EDRF1: variants seen among roughly 807,000 people sequenced by gnomAD.
The protein encoded by EDRF1 is erythroid differentiation regulatory factor 1.
EDRF1 carries 69 observed loss-of-function variants against 148.7 expected under a neutral mutation model. The ratio of observed to expected loss-of-function variants is 0.46; its 90% CI spans 0.38 to 0.57. The LOEUF (loss-of-function observed/expected upper bound fraction) is 0.57. EDRF1 is among the 20% of genes least tolerant of loss of function. The pLI, the probability that EDRF1 is intolerant of heterozygous loss-of-function variation, is 0.00. For synonymous variants in EDRF1, 515 were observed against 532.8 expected (o/e 0.97, Z 0.46); for missense variants, 1,118 against 1,478.7 (o/e 0.76, Z 4.00).
intron 9 of EDRF1, among the ~76,000 whole-genome samples, chr10:125,732,297 A>G (rs1335866618): frequency 6.6e-6 from 1 of 152,176 alleles, no homozygotes; most frequent in Non-Finnish European, 1.5e-5. Context: ...AACAGGAGTC[A>G]AAGGAGATTC....
rs534100615 is a variant in EDRF1, at chr10:125,729,585, G to A, written c.1016+106G>A. The A allele has an allele frequency of 5.8e-5, 82 of 1,407,778 alleles. 1 individual carries two copies. The South Asian group carries it at 6.0e-4, about 10-fold the overall frequency. 87.2% of individuals were successfully genotyped at this position (1,407,778 alleles called of 1,614,324 possible). On this transcript the variant is annotated intron_variant, in intron 8 of 24. Coordinates refer to ENST00000356792, the MANE Select transcript of EDRF1 (RefSeq NM_001202438.2). ...TGCAGTGAGCCAAGATCATGCTACC[G>A]CACTCCAGCCTAGGCGAAAGAGCAA...
chr10:125,749,429 T>C lies in EDRF1; in HGVS notation c.3141T>C (p.Leu1047=). 6.2e-7 allele frequency: 1 copy of C among 1,614,178 alleles called. No homozygotes were observed. ...GGTTCTAGGTTGGTGATGAACACCT[T>C]AGGAAACAACACCGGGTGCTGGCAG... ...CLRNQVGDEH[L]RKQHRVLADL... Residue 1047 remains leucine (L), a synonymous_variant, in exon 22 of 25, where the codon CTT becomes CTC. Coordinates refer to ENST00000356792, the MANE Select transcript of EDRF1 (RefSeq NM_001202438.2).
Position 125,740,553 on chromosome 10 carries a change from A to G in EDRF1, c.2072A>G (p.Lys691Arg), listed in dbSNP as rs1388038383. 5 of 1,614,018 alleles carry G rather than the reference A, an allele frequency of 3.1e-6. No homozygotes were observed. Among genetic ancestry groups the G allele is most frequent in the Admixed American group, 1.7e-5 (1 of 60,004 alleles). The change falls in exon 16 of 25, where the codon AAG (lysine) becomes AGG (arginine). Residue 691 changes from lysine (K) to arginine (R), a missense_variant. This residue lies in a region of EDRF1 where 954 missense variants were observed against 1,241.4 expected (regional missense o/e 0.77). Transcript: ENST00000356792. ...QHKMKLQLILKSSKAYYVLSD... is the reference protein window; with the variant it reads ...QHKMKLQLILRSSKAYYVLSD... ...AAAATGAAACTTCAGCTGATTCTCA[A>G]GTCATCAAAGGCCTATTATGTTTTG...
Position 125,721,208 on chromosome 10 carries a change from C to G in EDRF1, c.113C>G (p.Ser38Ter). ...TTCACCCAATGTGTTAATTAGGGAT[C>G]AGCTTTATTTCTTGGAGGCAATGAA... Reference protein sequence around the residue: ...GESEESSAQGSALFLGGNEVK... With the variant: ...GESEESSAQG Residue 38 changes from serine to a stop codon, truncating the protein, a stop_gained, in exon 2 of 25, where the codon TCA (serine) becomes TGA (stop). Transcript: ENST00000356792. LOFTEE classifies it high-confidence loss of function. The G allele has an allele frequency of 6.2e-7, 1 of 1,614,022 alleles. No individual in the cohort carries two copies. The highest frequency in any genetic ancestry group is 8.5e-7 in the Non-Finnish European group (1 of 1,179,924).
At chr10:125,738,484 A>G (rs1327748510) in intron 15 of EDRF1, 39 bp downstream of exon 15, 14 of 1,612,338 alleles carry the variant, frequency 8.7e-6, no homozygotes, top group Non-Finnish European at 1.1e-5. Context: ...CTTCAATAGA[A>G]TAATACACTG....
chr10:125,755,364 A>G (rs1849854100), intron 24 of EDRF1, among the ~76,000 whole-genome samples: 1 of 152,128 alleles, frequency 6.6e-6, no homozygotes, highest in Non-Finnish European at 1.5e-5. Context: ...GTTGTGATGA[A>G]GGATTCTTTT....
intron 21 of EDRF1, chr10:125,748,382 G>A (rs986297178): frequency 3.2e-6 from 1 of 309,022 alleles, no homozygotes; most frequent in African/African-American, 2.2e-5. Context: ...GAATTTTGGG[G>A]TTATTCCAGA....
chr10:125,745,181 GGGCTGC>G, intron 18 of EDRF1: 5 of 170,708 alleles, frequency 2.9e-5, no homozygotes, highest in South Asian at 2.8e-4. Flanking sequence ...TAGTGAGCTG[GGGCTGC>G]TGTAATGAAA....
chr10:125,742,171 T>C, intron 17 of EDRF1: 1 of 1,224,754 alleles, frequency 8.2e-7, no homozygotes, highest in South Asian at 1.3e-5. Flanking sequence ...TAAAGTTAGT[T>C]CATAGCCACC....
chr10:125,730,234 T>G (rs1369454742), intron 8 of EDRF1, 54 bp from the exon 9 acceptor site: 1 of 1,346,832 alleles, frequency 7.4e-7, no homozygotes, highest in South Asian at 1.2e-5. Context: ...TTCAGATGAT[T>G]AATTAAGGAA....
intron 7 of EDRF1, 37 bp from the exon 8 acceptor site, chr10:125,729,321 G>GA (rs913317942): frequency 1.2e-6 from 2 of 1,608,338 alleles, no homozygotes; most frequent in Non-Finnish European, 1.7e-6. Context: ...ATTACAGATT[G>GA]ACTGTTTATT....
In EDRF1 at chr10:125,763,387, C is replaced by CTCT; in HGVS notation, c.3636_3638dup (p.Leu1213dup). ...AGAGCAACTGCAAATAAAACCGCGA[C>CTCT]TCTTCTGGAAAGAATCAACGTTATC... On this transcript the variant is annotated inframe_insertion, in exon 25 of 25. Coordinates refer to ENST00000356792, the MANE Select transcript of EDRF1 (RefSeq NM_001202438.2). The surrounding 1 kb of genome is among the most constrained non-coding windows in gnomAD (Gnocchi z 4.3). 2 of 1,613,284 alleles carry CTCT rather than the reference C, an allele frequency of 1.2e-6. No homozygotes were observed. Among genetic ancestry groups the CTCT allele is most frequent in the Non-Finnish European group, 1.7e-6 (2 of 1,180,028 alleles).
At position 125,749,505 on chromosome 10, in the gene EDRF1, C is replaced by T. The variant is rs2133748061; in HGVS notation, c.3217C>T (p.Pro1073Ser). ...AKLFQLLKDA[P>S]CELLRVQLER... ...GCTGTTTCAGCTGCTGAAAGATGCT[C>T]CCTGCGAACTGCTTAGAGTACAGCT... Residue 1073 changes from proline to serine, a missense_variant, in exon 22 of 25, where the codon CCC (proline) becomes TCC (serine). Pro to Ser is a moderately conservative substitution (Grantham distance 74, BLOSUM62 -1). Coordinates refer to ENST00000356792, the MANE Select transcript of EDRF1 (RefSeq NM_001202438.2). 7 of 1,614,154 alleles carry T rather than the reference C, an allele frequency of 4.3e-6. No homozygotes were observed. The highest frequency in any genetic ancestry group is 5.9e-6 in the Non-Finnish European group (7 of 1,180,032).
At chr10:125,741,827 G>A (rs1020875116) in intron 17 of EDRF1, among the ~76,000 whole-genome samples, 1 of 152,086 alleles carries the variant, frequency 6.6e-6, no homozygotes, top group African/African-American at 2.4e-5. Context: ...CCAAGTAGCT[G>A]GGACTAGTAC....
intron 22 of EDRF1, among the ~76,000 whole-genome samples, chr10:125,750,718 G>A (rs1197970559): frequency 6.6e-6 from 1 of 152,208 alleles, no homozygotes; most frequent in Non-Finnish European, 1.5e-5. Context: ...ATTTGGGAAT[G>A]TATTACCTAT....
rs1850298345 is a variant in EDRF1, at chr10:125,763,885, C to T, written c.*413C>T. On this transcript the variant is annotated 3_prime_UTR_variant, in exon 25 of 25. Coordinates refer to ENST00000356792, the MANE Select transcript of EDRF1 (RefSeq NM_001202438.2). The surrounding 1 kb of genome is among the most constrained non-coding windows in gnomAD (Gnocchi z 4.3). ...ACAGGTTCAAGTGGGTTAAGGAGAC[C>T]TCCTGTACATCTACAGTGTTTCCTT... The T allele has an allele frequency of 2.1e-5, 5 of 236,970 alleles. No homozygotes were observed. Among genetic ancestry groups the T allele is most frequent in the Admixed American group, 2.1e-4 (4 of 19,146 alleles). The allele number at this position is 236,970 out of a possible 1,614,324, so 14.7% of individuals were successfully genotyped here.
intron 9 of EDRF1, among the ~76,000 whole-genome samples, chr10:125,732,880 T>C (rs1400185947): frequency 1.3e-5 from 2 of 152,012 alleles, no homozygotes; most frequent in Non-Finnish European, 2.9e-5. Context: ...CCACCTCCAT[T>C]CCCCCCTGCT....
rs914557705 is a variant in EDRF1 at position 125,763,601 on chromosome 10, A to G, written c.*129A>G. On this transcript the variant is annotated 3_prime_UTR_variant, in exon 25 of 25. Transcript: ENST00000356792. This position sits in a 1 kb window ranked among gnomAD's most constrained non-coding sequence, Gnocchi z 4.3. ...AAAACAGGTATATCAGTGGAAACAC[A>G]GAGTTATTTTAAGTGACAGACAAAT... is the stretch of plus-strand genomic sequence containing the variant. 15 of 1,099,572 alleles carry G rather than the reference A, an allele frequency of 1.4e-5. No homozygotes were observed. Among genetic ancestry groups the G allele is most frequent in the Middle Eastern group, 2.9e-4 (1 of 3,460 alleles). 68.1% of individuals were successfully genotyped at this position (1,099,572 alleles called of 1,614,324 possible).
chr10:125,732,060 T>G (rs903641349), intron 9 of EDRF1: 3 of 263,676 alleles, frequency 1.1e-5, no homozygotes, highest in African/African-American at 6.6e-5. Flanking sequence ...GAATCACTTG[T>G]GGTCTCTGAA....
Sources: allele counts gnomAD v4.1 joint callset (sites outside exome capture counted in the v4.1 genomes callset), GRCh38; gene constraint gnomAD v4.1.1; regional missense constraint gnomAD v4.1.1; non-coding constraint Gnocchi (gnomAD v3.1); transcripts MANE v1.5; gene names NCBI Gene and HGNC (gene_info 2026-07-23, HGNC 2026-07-21).